The following VAT1L variants were observed in gnomAD, a reference collection of about 807,000 sequenced individuals.
The protein encoded by VAT1L is vesicle amine transport 1 like, also known as putative NADPH-dependent quinone oxidoreductase VAT1L.
Under a neutral mutation model 44.1 loss-of-function variants are expected in VAT1L, and 34 were observed. The ratio of observed to expected loss-of-function variants is 0.77; its 90% CI spans 0.59 to 1.03. The LOEUF is 1.03. Ranked by LOEUF, VAT1L falls within the 50% of genes least tolerant of loss-of-function variation. VAT1L has a pLI of 0.00. For missense variants in VAT1L, 615 were observed against 538.8 expected, an observed-to-expected ratio of 1.14 and a Z score of -1.40; for synonymous variants, 253 against 202.2, an observed-to-expected ratio of 1.25 and a Z score of -2.13.
At position 77,979,050 on chromosome 16, in the gene VAT1L, G is replaced by GC. The variant is rs1285099032; in HGVS notation, c.*1358dup. 1 of 152,304 alleles carries GC rather than the reference G, an allele frequency of 6.6e-6. No homozygotes were observed. The allele number at this position is 152,304 out of a possible 1,614,324, so 9.4% of individuals were successfully genotyped here. A position where few individuals can be genotyped will look rare whatever the true frequency, so the allele number is the denominator to read the frequency against. ...AAAAACATCAGAGGGATTTTACATT[G>GC]CCCAGTTTCTCCACCAACAAGCCTT... On this transcript the variant is annotated 3_prime_UTR_variant, in exon 9 of 9. Coordinates refer to ENST00000302536, the MANE Select transcript of VAT1L (RefSeq NM_020927.3).
chr16:77,827,508 T>G (rs1164043226), intron 3 of VAT1L, among the ~76,000 whole-genome samples: 1 of 152,250 alleles, frequency 6.6e-6, no homozygotes, highest in African/African-American at 2.4e-5. Context: ...TTACAGATGC[T>G]ACCGACAATA....
chr16:77,884,825 G>A lies in VAT1L; in HGVS notation c.1077+23G>A, dbSNP rs374361227. 4.2e-6 allele frequency: 6 copies of A among 1,443,308 alleles called. 1 individual carries two copies. Among genetic ancestry groups the A allele is most frequent in the Non-Finnish European group, 4.6e-6 (5 of 1,096,882 alleles). The allele number at this position is 1,443,308 out of a possible 1,614,324, so 89.4% of individuals were successfully genotyped here. ...GAGGTAAGAATGGTGCTTTTCTTCTGCAAATAAACTCCTCTTTTTAACTCA... is the reference window on the plus strand; with the variant it reads ...GAGGTAAGAATGGTGCTTTTCTTCTACAAATAAACTCCTCTTTTTAACTCA... On this transcript the variant is annotated intron_variant, in intron 7 of 8. Transcript: ENST00000302536. This position sits in a 1 kb window ranked among gnomAD's most constrained non-coding sequence, Gnocchi z 4.5.
At chr16:77,813,315 G>A (rs1240058993) in intron 1 of VAT1L, among the ~76,000 whole-genome samples, 1 of 152,162 alleles carries the variant, frequency 6.6e-6, no homozygotes, top group Non-Finnish European at 1.5e-5. Flanking sequence ...AAAAAAAGTA[G>A]AGTCAACAAT....
At chr16:77,815,595 A>T (rs2016336882) in intron 1 of VAT1L, among the ~76,000 whole-genome samples, 1 of 152,168 alleles carries the variant, frequency 6.6e-6, no homozygotes. Flanking sequence ...CATAAGTGAG[A>T]CCAGTGGGCA....
intron 7 of VAT1L, among the ~76,000 whole-genome samples, chr16:77,900,470 G>T (rs1277774384): frequency 1.3e-5 from 2 of 152,042 alleles, no homozygotes; most frequent in Non-Finnish European, 2.9e-5. Context: ...AAGGCGGGGG[G>T]GATCAGGTTA....
intron 4 of VAT1L, among the ~76,000 whole-genome samples, chr16:77,871,861 C>T (rs1346286391): frequency 1.3e-5 from 2 of 152,130 alleles, no homozygotes; most frequent in African/African-American, 2.4e-5. Flanking sequence ...CATTTCTGGG[C>T]TGGTGTCTCC....
chr16:77,924,863 A>G (rs1465010400), intron 7 of VAT1L, among the ~76,000 whole-genome samples: 4 of 152,190 alleles, frequency 2.6e-5, no homozygotes, highest in Admixed American at 6.5e-5. Context: ...CAAATAAATT[A>G]CCTAAGCCCT....
At chr16:77,957,458 G>C (rs1385027601) in intron 7 of VAT1L, among the ~76,000 whole-genome samples, 2 of 152,184 alleles carry the variant, frequency 1.3e-5, no homozygotes, top group Non-Finnish European at 2.9e-5. Flanking sequence ...AAGGTGCAGT[G>C]GCTCACGCCT....
At chr16:77,804,942 G>A (rs2016129137) in intron 1 of VAT1L, among the ~76,000 whole-genome samples, 1 of 152,096 alleles carries the variant, frequency 6.6e-6, no homozygotes, top group African/African-American at 2.4e-5. Flanking sequence ...AAATCAGATG[G>A]GTCGGAAAAC....
chr16:77,841,095 G>C lies in VAT1L; in HGVS notation c.579+15634G>C, dbSNP rs114514459. Among the ~76,000 whole-genome samples the C allele has an allele frequency of 4.7e-3, 719 of 151,926 alleles. 9 individuals carry two copies. The highest frequency in any genetic ancestry group is 0.016 in the African/African-American group (673 of 41,466). ...CCAATAACATGTCATTTTTTTGTTT[G>C]TTTGAGGCAGAGTCTTGCTGTGTTG... On this transcript the variant is annotated intron_variant, in intron 3 of 8. Coordinates refer to ENST00000302536, the MANE Select transcript of VAT1L (RefSeq NM_020927.3).
chr16:77,968,294 G>A (rs1360865962), intron 7 of VAT1L, among the ~76,000 whole-genome samples: 2 of 152,156 alleles, frequency 1.3e-5, no homozygotes, highest in Non-Finnish European at 2.9e-5. Context: ...TTCAGGGCCA[G>A]TCCACAGTGC....
intron 7 of VAT1L, among the ~76,000 whole-genome samples, chr16:77,931,131 C>G (rs1480135952): frequency 6.6e-6 from 1 of 152,156 alleles, no homozygotes; most frequent in African/African-American, 2.4e-5. Flanking sequence ...TGTCTTAATG[C>G]TCTTATTAGA....
chr16:77,950,965 A>G (rs1471492620), intron 7 of VAT1L, among the ~76,000 whole-genome samples: 2 of 152,208 alleles, frequency 1.3e-5, no homozygotes, highest in Non-Finnish European at 2.9e-5. Context: ...TACTGGATCT[A>G]GGCATTAAGT....
chr16:77,795,183 T>A (rs1177263868), intron 1 of VAT1L, among the ~76,000 whole-genome samples: 1 of 151,826 alleles, frequency 6.6e-6, no homozygotes, highest in Non-Finnish European at 1.5e-5. Context: ...TTCACATACT[T>A]CTGTCTTCCC....
At chr16:77,823,510 G>C (rs973509948) in intron 2 of VAT1L, among the ~76,000 whole-genome samples, 7 of 152,090 alleles carry the variant, frequency 4.6e-5, no homozygotes, top group Admixed American at 1.3e-4. Flanking sequence ...TCATTGTGAT[G>C]TCATGGAAAA....
chr16:77,803,661 C>T lies in VAT1L; in HGVS notation c.234-13260C>T, dbSNP rs553690980. Among the ~76,000 whole-genome samples, 4 of 152,110 alleles carry T rather than the reference C, an allele frequency of 2.6e-5. No homozygotes were observed. The South Asian group carries it at 6.2e-4, about 24-fold the overall frequency. ...GTCTCGATTTCCTGACCTCGTGATC[C>T]GCCTGCCCGGGCCTCCCAAAGAGCT... On this transcript the variant is annotated intron_variant, in intron 1 of 8. Transcript: ENST00000302536.
chr16:77,940,553 C>T (rs969464664), intron 7 of VAT1L, among the ~76,000 whole-genome samples: 2 of 151,984 alleles, frequency 1.3e-5, no homozygotes, highest in African/African-American at 4.8e-5. Context: ...CCATGTTGGT[C>T]ATGCTGGTCT....
At chr16:77,943,847 A>G (rs993900370) in intron 7 of VAT1L, among the ~76,000 whole-genome samples, 1 of 152,218 alleles carries the variant, frequency 6.6e-6, no homozygotes. Context: ...TGCAATTAGC[A>G]TCACCATTTC....
In VAT1L at chr16:77,813,495, G is replaced by A. The variant is rs575832133; in HGVS notation, c.234-3426G>A. 2.0e-5 allele frequency among the ~76,000 whole-genome samples: 3 copies of A among 152,336 alleles called. No homozygotes were observed. The South Asian group carries it at 6.2e-4, about 32-fold the overall frequency. On this transcript the variant is annotated intron_variant, in intron 1 of 8. Coordinates refer to ENST00000302536, the MANE Select transcript of VAT1L (RefSeq NM_020927.3). Reference sequence around the variant, plus strand: ...ATAGAGCAGGAGGTGTGATGGAGCTGGACCTCTCCAAGCCCAGAGACTGGA... The same window carrying A: ...ATAGAGCAGGAGGTGTGATGGAGCTAGACCTCTCCAAGCCCAGAGACTGGA...
Sources: allele counts gnomAD v4.1 joint callset (sites outside exome capture counted in the v4.1 genomes callset), GRCh38; gene constraint gnomAD v4.1.1; non-coding constraint Gnocchi (gnomAD v3.1); transcripts MANE v1.5; gene names NCBI Gene and HGNC (gene_info 2026-07-23, HGNC 2026-07-21).